RHBDF2: variants seen among roughly 807,000 people sequenced by gnomAD.
RHBDF2 encodes the protein inactive rhomboid protein 2.
RHBDF2 carries 38 observed loss-of-function variants against 95.2 expected under a neutral mutation model. The observed-to-expected ratio is 0.40, with a 90% CI of 0.31 to 0.52. The LOEUF (loss-of-function observed/expected upper bound fraction) is 0.52, where lower values mean the gene tolerates loss of function less well. RHBDF2 is among the 20% of genes least tolerant of loss of function. The probability of loss-of-function intolerance (pLI) is 0.56; values close to 1 mark genes in which losing one functional copy is unlikely to be tolerated. For synonymous variants in RHBDF2, 442 were observed against 462.0 expected, an observed-to-expected ratio of 0.96 and a Z score of 0.55; for missense variants, 863 against 1,137.7, an observed-to-expected ratio of 0.76 and a Z score of 3.47.
chr17:76,498,233 G>A (rs551206841), intron 1 of RHBDF2, among the ~76,000 whole-genome samples: 59 of 152,152 alleles, frequency 3.9e-4, no homozygotes, highest in African/African-American at 1.3e-3. Flanking sequence ...TTGGGCAGGC[G>A]CAGACGTCCC....
rs1012006268 is a variant in RHBDF2, at chr17:76,479,167, G to A, written c.383C>T (p.Ser128Leu). The A allele has an allele frequency of 5.6e-6, 9 of 1,612,682 alleles. No homozygotes were observed. Among genetic ancestry groups the A allele is most frequent in the East Asian group, 2.2e-5 (1 of 44,886 alleles). ...GGGGAGCTCCAGGTCACGCTGGCACGAGGCCTTCAGGCGGCCGTAGCGCAT... is the reference window on the plus strand; with the variant it reads ...GGGGAGCTCCAGGTCACGCTGGCACAAGGCCTTCAGGCGGCCGTAGCGCAT... ...CSMRYGRLKA[S>L]CQRDLELPSQ... Residue 128 changes from serine (S) to leucine (L), a missense_variant, in exon 5 of 19, where the codon TCG becomes TTG. Ser to Leu is a moderately radical substitution (Grantham distance 145, BLOSUM62 -2). Around this residue, in one of 2 missense-constraint regions of RHBDF2, gnomAD observed 611 missense variants for 725.5 expected, o/e 0.84. Transcript: ENST00000675367.
At chr17:76,493,879 C>T (rs1162025477) in intron 1 of RHBDF2, among the ~76,000 whole-genome samples, 15 of 152,272 alleles carry the variant, frequency 9.9e-5, no homozygotes, top group Non-Finnish European at 1.5e-5. Context: ...TCCTCCTCGC[C>T]CCTCCAGGGC....
intron 1 of RHBDF2, among the ~76,000 whole-genome samples, chr17:76,500,754 T>A (rs960337846): frequency 4.6e-5 from 7 of 152,014 alleles, no homozygotes; most frequent in African/African-American, 1.7e-4. Flanking sequence ...GCCAAACAGG[T>A]AAAAGGCAAG....
intron 3 of RHBDF2, among the ~76,000 whole-genome samples, 162 bp downstream of exon 3, chr17:76,481,213 G>A (rs374556932): frequency 6.6e-6 from 1 of 152,174 alleles, no homozygotes; most frequent in Non-Finnish European, 1.5e-5. Flanking sequence ...GTGATATTTC[G>A]GGCCCAGGAA....
chr17:76,474,267 TG>T, intron 12 of RHBDF2, 105 bp downstream of exon 12: 3 of 1,397,452 alleles, frequency 2.1e-6, no homozygotes, highest in Non-Finnish European at 3.0e-6. Flanking sequence ...CTGGGAAAGG[TG>T]GGGCGGGGAG....
intron 18 of RHBDF2, chr17:76,472,427 C>T (rs2073610060): frequency 1.7e-6 from 1 of 596,926 alleles, no homozygotes; most frequent in African/African-American, 1.8e-5. Context: ...CTGCAGATAC[C>T]TAGCATACTG....
rs1350388099 is a variant in RHBDF2 at position 76,474,545 on chromosome 17, G to T, written c.1303-11C>A. 1 of 1,614,070 alleles carries T rather than the reference G, an allele frequency of 6.2e-7. No homozygotes were observed. Among genetic ancestry groups the T allele is most frequent in the Non-Finnish European group, 8.5e-7 (1 of 1,179,940 alleles). On this transcript the variant is annotated splice_polypyrimidine_tract_variant and intron_variant, in intron 11 of 18. Transcript: ENST00000675367. ...GTGGATCAGGTCAATCTGGGGAAGG[G>T]AAAGGGAGGGGAGAGAGTGAGTTTG...
chr17:76,498,949 T>G (rs1216515857), intron 1 of RHBDF2, among the ~76,000 whole-genome samples: 1 of 151,646 alleles, frequency 6.6e-6, no homozygotes, highest in Non-Finnish European at 1.5e-5. Flanking sequence ...GTGGGGCTCT[T>G]GGGTGGGGCC....
At chr17:76,473,802 T>C (rs775561299) in intron 14 of RHBDF2, 37 bp downstream of exon 14, 3 of 1,613,122 alleles carry the variant, frequency 1.9e-6, no homozygotes, top group Non-Finnish European at 1.7e-6. Flanking sequence ...CCCCCATCCC[T>C]GACCTTCCCA....
chr17:76,493,525 A>G (rs1199073465), intron 1 of RHBDF2, among the ~76,000 whole-genome samples: 1 of 150,868 alleles, frequency 6.6e-6, no homozygotes, highest in African/African-American at 2.4e-5. Context: ...ATTTGGGGAG[A>G]GTCATGAGAG....
intron 1 of RHBDF2, among the ~76,000 whole-genome samples, chr17:76,499,167 C>G (rs975487054): frequency 2.6e-5 from 4 of 151,690 alleles, no homozygotes; most frequent in African/African-American, 9.7e-5. Context: ...CAAAACAAAA[C>G]AAAAAAAACA....
In RHBDF2 at chr17:76,471,082, C is replaced by G. The variant is rs2289801; in HGVS notation, c.*551G>C. 4,262 of 156,848 alleles carry G rather than the reference C, an allele frequency of 0.027. 196 individuals are homozygous for G. Among genetic ancestry groups the G allele is most frequent in the African/African-American group, 0.094 (3,909 of 41,552 alleles). 9.7% of individuals were successfully genotyped at this position (156,848 alleles called of 1,614,324 possible). The stretch of plus-strand genomic sequence containing the variant: ...TACCTGAGGTCTACTTGTGTCTCCC[C>G]CCTTGTTCTCTGCCCCCAGACCATG... On this transcript the variant is annotated 3_prime_UTR_variant, in exon 19 of 19. Coordinates refer to ENST00000675367, the MANE Select transcript of RHBDF2 (RefSeq NM_001005498.4).
At chr17:76,479,482 C>T (rs1299789358) in intron 4 of RHBDF2, 1 of 814,286 alleles carries the variant, frequency 1.2e-6, no homozygotes, top group Non-Finnish European at 2.0e-6. Flanking sequence ...AGGCTAGGGC[C>T]CCAGGCACCC....
intron 1 of RHBDF2, 182 bp downstream of exon 1, chr17:76,501,171 C>T (rs2074570413): frequency 6.6e-6 from 1 of 152,274 alleles, no homozygotes; most frequent in South Asian, 2.1e-4. Flanking sequence ...CTGAGCCAGC[C>T]CGGGCCTCCA....
chr17:76,495,141 C>T (rs1423182518), intron 1 of RHBDF2, among the ~76,000 whole-genome samples: 1 of 152,298 alleles, frequency 6.6e-6, no homozygotes, highest in Admixed American at 6.5e-5. Flanking sequence ...CTCTGCATCC[C>T]GGCAGCCGGG....
intron 1 of RHBDF2, among the ~76,000 whole-genome samples, chr17:76,495,575 T>G (rs913350021): frequency 3.0e-4 from 46 of 152,296 alleles, no homozygotes; most frequent in African/African-American, 5.3e-4. Context: ...ACAGCTCAGC[T>G]GAGGTACAAG....
intron 7 of RHBDF2, 149 bp downstream of exon 7, chr17:76,477,508 C>A: frequency 1.8e-6 from 2 of 1,090,542 alleles, no homozygotes; most frequent in South Asian, 1.5e-5. Flanking sequence ...AAGATGGGGG[C>A]CCAGCAGCTC....
chr17:76,481,340 G>A (rs142897910), intron 3 of RHBDF2, 35 bp downstream of exon 3: 12 of 1,591,738 alleles, frequency 7.5e-6, no homozygotes, highest in Middle Eastern at 1.8e-4. Flanking sequence ...TGTTACCTAC[G>A]GCAGAACAGT....
In RHBDF2 at chr17:76,473,389, C is replaced by T. The variant is rs1482633524; in HGVS notation, c.1734-62G>A. The T allele has an allele frequency of 1.4e-5, 20 of 1,430,114 alleles. No individual in the cohort carries two copies. The South Asian group carries it at 1.9e-4, about 14-fold the overall frequency. 88.6% of individuals were successfully genotyped at this position (1,430,114 alleles called of 1,614,324 possible). ...GCCGAATAACCACTGCCCACCTTTG[C>T]CCAGAGCCCAGCACCTGGCTACAGG... On this transcript the variant is annotated intron_variant, in intron 15 of 18. Coordinates refer to ENST00000675367, the MANE Select transcript of RHBDF2 (RefSeq NM_001005498.4).
Sources: gnomAD v4.1 joint callset for allele counts (sites outside exome capture counted in the v4.1 genomes callset) on GRCh38, gnomAD v4.1.1 for gene constraint, gnomAD v4.1.1 regional missense constraint, MANE v1.5 for transcripts, NCBI Gene and HGNC (gene_info 2026-07-23, HGNC 2026-07-21) for gene names.